The following EFNA5 variants were observed in gnomAD, a reference collection of about 807,000 sequenced individuals.
The protein encoded by EFNA5 is ephrin A5, also known as ephrin-A5.
Under a neutral mutation model 22.9 loss-of-function variants are expected in EFNA5, and 5 were observed. The observed-to-expected ratio is 0.22, with a 90% confidence interval of 0.11 to 0.46. The LOEUF (loss-of-function observed/expected upper bound fraction) is 0.46, where lower values mean the gene tolerates loss of function less well. Among genes scored for constraint, EFNA5 ranks in the 20% least tolerant of loss-of-function variants. The pLI is 0.99. For missense variants in EFNA5, 237 were observed against 293.3 expected (o/e 0.81, Z 1.40); for synonymous variants, 113 against 112.2 (o/e 1.01, Z -0.04).
intron 1 of EFNA5, among the ~76,000 whole-genome samples, chr5:107,657,611 C>T (rs1308948851): frequency 6.6e-6 from 1 of 152,054 alleles, no homozygotes; most frequent in African/African-American, 2.4e-5. Flanking sequence ...AATTAACTAT[C>T]AAAAATTGTT....
chr5:107,588,217 C>A (rs1278962502), intron 1 of EFNA5, among the ~76,000 whole-genome samples: 1 of 151,542 alleles, frequency 6.6e-6, no homozygotes, highest in Admixed American at 6.6e-5. Context: ...TGAAAATAAC[C>A]AGATATTATT....
intron 2 of EFNA5, among the ~76,000 whole-genome samples, chr5:107,400,293 A>G (rs1748051138): frequency 6.9e-6 from 1 of 144,914 alleles, no homozygotes; most frequent in Admixed American, 6.7e-5. Context: ...AAAATGTATA[A>G]CTTCAATAAG....
intron 1 of EFNA5, among the ~76,000 whole-genome samples, chr5:107,437,375 G>T (rs1264091772): frequency 6.6e-6 from 1 of 152,164 alleles, no homozygotes; most frequent in Non-Finnish European, 1.5e-5. Context: ...TGGCCAGTTA[G>T]GACCTTGTGA....
At chr5:107,511,041 T>TGTGA (rs1363882358) in intron 1 of EFNA5, among the ~76,000 whole-genome samples, 16 of 149,858 alleles carry the variant, frequency 1.1e-4, no homozygotes, top group Middle Eastern at 3.4e-3. Flanking sequence ...TGTGTGTGTG[T>TGTGA]GAGACGGAGA....
At chr5:107,612,474 T>A (rs1749836841) in intron 1 of EFNA5, among the ~76,000 whole-genome samples, 1 of 151,792 alleles carries the variant, frequency 6.6e-6, no homozygotes, top group African/African-American at 2.4e-5. Flanking sequence ...ACTGGTCAAG[T>A]AAAAATTCTT....
intron 2 of EFNA5, among the ~76,000 whole-genome samples, chr5:107,403,969 G>A (rs896711485): frequency 6.6e-6 from 1 of 152,168 alleles, no homozygotes; most frequent in African/African-American, 2.4e-5. Context: ...TGTAATTTCT[G>A]AAAAATGTCT....
chr5:107,523,031 G>A (rs1477223175), intron 1 of EFNA5, among the ~76,000 whole-genome samples: 1 of 152,118 alleles, frequency 6.6e-6, no homozygotes, highest in Non-Finnish European at 1.5e-5. Flanking sequence ...ATAAAGCAAA[G>A]AGACAAACTG....
chr5:107,482,722 T>TAAA (rs886457344), intron 1 of EFNA5, among the ~76,000 whole-genome samples: 3 of 151,906 alleles, frequency 2.0e-5, no homozygotes, highest in African/African-American at 7.3e-5. Context: ...GCACCAGGCT[T>TAAA]AAAGTGACAA....
intron 1 of EFNA5, among the ~76,000 whole-genome samples, chr5:107,669,098 C>T (rs1751130437): frequency 3.3e-5 from 5 of 152,198 alleles, no homozygotes; most frequent in Admixed American, 2.6e-4. Flanking sequence ...GTGGGGAAAT[C>T]TTCCCATCTT....
intron 1 of EFNA5, among the ~76,000 whole-genome samples, chr5:107,579,666 A>G (rs1749001928): frequency 6.6e-6 from 1 of 152,200 alleles, no homozygotes; most frequent in Admixed American, 6.5e-5. Flanking sequence ...GAAATGAGCA[A>G]CATGACTTGA....
chr5:107,510,879 A>G (rs1486895987), intron 1 of EFNA5, among the ~76,000 whole-genome samples: 2 of 152,210 alleles, frequency 1.3e-5, no homozygotes, highest in Non-Finnish European at 2.9e-5. Context: ...ATCTTTTCTT[A>G]CTTTACAATA....
intron 1 of EFNA5, among the ~76,000 whole-genome samples, chr5:107,498,664 G>A (rs918771790): frequency 5.3e-5 from 8 of 152,196 alleles, no homozygotes; most frequent in Admixed American, 1.3e-4. Flanking sequence ...AGTGACAGCG[G>A]AGCCTTAAGC....
chr5:107,600,864 C>G (rs939357459), intron 1 of EFNA5, among the ~76,000 whole-genome samples: 18 of 151,956 alleles, frequency 1.2e-4, no homozygotes, highest in African/African-American at 4.1e-4. Flanking sequence ...GACCTCACCC[C>G]GTGAAAAGCT....
rs141471201 is a variant in EFNA5 at position 107,650,529 on chromosome 5, C to A, written c.125+19960G>T. On this transcript the variant is annotated intron_variant, in intron 1 of 4. Coordinates refer to ENST00000333274, the MANE Select transcript of EFNA5 (RefSeq NM_001962.3). ...TCACTTCAAGCATCTATGTATTGTT[C>A]CCTATAGCTTAAAAATGATTATTTC... 4.3e-3 allele frequency among the ~76,000 whole-genome samples: 658 copies of A among 152,220 alleles called. 8 individuals carry two copies. Among genetic ancestry groups the A allele is most frequent in the African/African-American group, 0.015 (630 of 41,542 alleles).
chr5:107,413,640 G>T (rs1027711482), intron 2 of EFNA5, among the ~76,000 whole-genome samples: 6 of 151,954 alleles, frequency 3.9e-5, no homozygotes, highest in Non-Finnish European at 7.4e-5. Context: ...GTGGCTTTCT[G>T]ATTCTTATCC....
At position 107,484,677 on chromosome 5, in the gene EFNA5, G is replaced by A. The variant is rs116590292; in HGVS notation, c.126-57168C>T. On this transcript the variant is annotated intron_variant, in intron 1 of 4. Transcript: ENST00000333274. ...GCCACTTTCCAGCTGTAGGACTTCA[G>A]GCAAATTAATTAAATAGGATGGTGG... is the stretch of plus-strand genomic sequence containing the variant. 2.5e-3 allele frequency among the ~76,000 whole-genome samples: 385 copies of A among 152,226 alleles called. 3 individuals are homozygous for A. The highest frequency in any genetic ancestry group is 7.4e-3 in the African/African-American group (308 of 41,536).
chr5:107,486,186 A>C (rs1730359149), intron 1 of EFNA5, among the ~76,000 whole-genome samples: 1 of 152,220 alleles, frequency 6.6e-6, no homozygotes, highest in African/African-American at 2.4e-5. Flanking sequence ...AAACAAAGGA[A>C]AAAACAAATC....
At chr5:107,426,694 A>T (rs1197890424) in intron 2 of EFNA5, among the ~76,000 whole-genome samples, 15 of 152,174 alleles carry the variant, frequency 9.9e-5, no homozygotes, top group African/African-American at 3.4e-4. Flanking sequence ...ACTTCTTCAC[A>T]AGTCTTTCCT....
At chr5:107,468,386 GAAAT>G (rs1750049728) in intron 1 of EFNA5, among the ~76,000 whole-genome samples, 1 of 152,192 alleles carries the variant, frequency 6.6e-6, no homozygotes, top group African/African-American at 2.4e-5. Context: ...GTGTTTATAA[GAAAT>G]AAAGCTAATG....
Sources: gnomAD v4.1 joint callset for allele counts (sites outside exome capture counted in the v4.1 genomes callset) on GRCh38, gnomAD v4.1.1 for gene constraint, MANE v1.5 for transcripts, NCBI Gene and HGNC (gene_info 2026-07-23, HGNC 2026-07-21) for gene names.